CCDC7: variants seen among roughly 807,000 people sequenced by gnomAD.
CCDC7 encodes coiled-coil domain-containing protein 7.
CCDC7 carries 183 observed loss-of-function variants against 196.9 expected under a neutral mutation model. The ratio of observed to expected loss-of-function variants is 0.93; its 90% CI spans 0.82 to 1.05. CCDC7 has a LOEUF of 1.05. CCDC7 is among the 50% of genes least tolerant of loss of function. The pLI is 0.00. For synonymous variants in CCDC7, 525 were observed against 484.6 expected (o/e 1.08, Z -1.10); for missense variants, 1,540 against 1,482.2 (o/e 1.04, Z -0.64).
At chr10:32,550,145 A>G (rs1223003048) in intron 13 of CCDC7, among the ~76,000 whole-genome samples, 2 of 143,122 alleles carry the variant, frequency 1.4e-5, no homozygotes, top group African/African-American at 5.0e-5. Flanking sequence ...GGCTAGGTAT[A>G]TTCTTAAGTT....
At chr10:32,668,895 C>G (rs1212301913) in intron 21 of CCDC7, among the ~76,000 whole-genome samples, 1 of 151,994 alleles carries the variant, frequency 6.6e-6, no homozygotes, top group Non-Finnish European at 1.5e-5. Flanking sequence ...GTTTCTTTTT[C>G]TTTCATAATT....
At chr10:32,461,207 A>T (rs1039584724) in intron 3 of CCDC7, among the ~76,000 whole-genome samples, 1 of 152,128 alleles carries the variant, frequency 6.6e-6, no homozygotes, top group African/African-American at 2.4e-5. Context: ...AACCCATCAT[A>T]AGTTGAATTT....
intron 41 of CCDC7, among the ~76,000 whole-genome samples, chr10:32,874,363 A>G (rs2094530147): frequency 6.6e-6 from 1 of 151,388 alleles, no homozygotes; most frequent in South Asian, 2.1e-4. Flanking sequence ...GAAATCTAGG[A>G]TTTTAGTGCA....
At chr10:32,473,274 A>C (rs1367666135) in intron 7 of CCDC7, among the ~76,000 whole-genome samples, 1 of 152,206 alleles carries the variant, frequency 6.6e-6, no homozygotes, top group African/African-American at 2.4e-5. Flanking sequence ...AAGGGTGAAT[A>C]GGATTTAGTC....
chr10:32,602,112 T>C (rs1181367484), intron 18 of CCDC7, among the ~76,000 whole-genome samples: 2 of 152,114 alleles, frequency 1.3e-5, no homozygotes, highest in Non-Finnish European at 1.5e-5. Flanking sequence ...TAACACTCAC[T>C]GTGAGGGTTT....
At chr10:32,643,280 A>C (rs1421570516) in intron 20 of CCDC7, among the ~76,000 whole-genome samples, 2 of 152,230 alleles carry the variant, frequency 1.3e-5, no homozygotes, top group East Asian at 3.9e-4. Flanking sequence ...TGGTAAGGTT[A>C]TTTGCCTTAA....
intron 24 of CCDC7, among the ~76,000 whole-genome samples, chr10:32,696,003 T>A (rs1307661495): frequency 6.6e-6 from 1 of 152,242 alleles, no homozygotes; most frequent in East Asian, 1.9e-4. Flanking sequence ...GACTTTTTTT[T>A]TTTTTAATCC....
intron 23 of CCDC7, among the ~76,000 whole-genome samples, chr10:32,693,995 T>C (rs2077390713): frequency 6.6e-6 from 1 of 152,140 alleles, no homozygotes; most frequent in African/African-American, 2.4e-5. Flanking sequence ...AAATAAAAAT[T>C]CATATACAAT....
At chr10:32,690,855 G>A (rs1250774638) in intron 23 of CCDC7, among the ~76,000 whole-genome samples, 2 of 152,188 alleles carry the variant, frequency 1.3e-5, no homozygotes, top group Non-Finnish European at 2.9e-5. Context: ...CATTTGGTGG[G>A]GGAGGGGAAT....
chr10:32,698,518 T>C (rs2078105563), intron 24 of CCDC7, among the ~76,000 whole-genome samples: 1 of 152,148 alleles, frequency 6.6e-6, no homozygotes, highest in Admixed American at 6.6e-5. Flanking sequence ...AATAACCTGG[T>C]GGAGCTGAAA....
chr10:32,443,997 T>C (rs574195808), upstream of CCDC7, among the ~76,000 whole-genome samples: 178 of 152,350 alleles, frequency 1.2e-3, 1 homozygote, highest in African/African-American at 4.1e-3. Flanking sequence ...TAATGTTATA[T>C]AGTTTTCATT....
chr10:32,643,962 A>G (rs1483166605), intron 20 of CCDC7, among the ~76,000 whole-genome samples: 1 of 151,884 alleles, frequency 6.6e-6, no homozygotes, highest in Admixed American at 6.6e-5. Context: ...AAATGAATGG[A>G]AACTTTGATT....
chr10:32,665,256 A>G lies in CCDC7; in HGVS notation c.2122+1095A>G, dbSNP rs538085597. Among the ~76,000 whole-genome samples the G allele has an allele frequency of 1.8e-3, 278 of 152,136 alleles. 1 individual carries two copies. Among genetic ancestry groups the G allele is most frequent in the Non-Finnish European group, 3.2e-3 (217 of 67,938 alleles). On this transcript the variant is annotated intron_variant, in intron 21 of 41. Coordinates refer to ENST00000639629, the Ensembl canonical transcript of CCDC7. ...ATTTGGAAATACTTTCTCTCATGCAATAGGCTATTTATTCCTACTGTTGAT... is the reference window on the plus strand; with the variant it reads ...ATTTGGAAATACTTTCTCTCATGCAGTAGGCTATTTATTCCTACTGTTGAT...
At chr10:32,462,926 C>G in intron 4 of CCDC7, 91 bp from the exon 6 acceptor site, 4 of 1,553,272 alleles carry the variant, frequency 2.6e-6, no homozygotes, top group Non-Finnish European at 3.5e-6. Flanking sequence ...GATTCAGAGA[C>G]ACAGACACAC....
At chr10:32,498,471 T>C (rs1564461224) in intron 9 of CCDC7, among the ~76,000 whole-genome samples, 2 of 152,198 alleles carry the variant, frequency 1.3e-5, no homozygotes, top group Non-Finnish European at 2.9e-5. Flanking sequence ...TGTTTCTTCA[T>C]AGCATCGATG....
At chr10:32,872,841 C>T (rs558916678) in intron 41 of CCDC7, among the ~76,000 whole-genome samples, 101 of 152,022 alleles carry the variant, frequency 6.6e-4, no homozygotes, top group African/African-American at 2.2e-3. Flanking sequence ...GAAAATTCTT[C>T]TCTTTAAGAA....
At chr10:32,796,456 A>G (rs957294816) in intron 29 of CCDC7, among the ~76,000 whole-genome samples, 1 of 152,204 alleles carries the variant, frequency 6.6e-6, no homozygotes, top group Non-Finnish European at 1.5e-5. Context: ...ACTATGTGCA[A>G]AGGATAATGG....
intron 20 of CCDC7, among the ~76,000 whole-genome samples, chr10:32,645,998 C>T (rs2067698645): frequency 6.6e-6 from 1 of 151,054 alleles, no homozygotes; most frequent in Non-Finnish European, 1.5e-5. Flanking sequence ...TTGTTTTGTT[C>T]ATCTTTTATA....
chr10:32,707,150 G>A (rs1423258766), intron 24 of CCDC7, among the ~76,000 whole-genome samples: 1 of 152,216 alleles, frequency 6.6e-6, no homozygotes, highest in Non-Finnish European at 1.5e-5. Context: ...TCCCTGGAAT[G>A]CAAGGCTGGT....
Sources: allele counts gnomAD v4.1 joint callset (sites outside exome capture counted in the v4.1 genomes callset), GRCh38; gene constraint gnomAD v4.1.1; transcripts MANE v1.5; gene names NCBI Gene and HGNC (gene_info 2026-07-23, HGNC 2026-07-21).